Variants in KCNH5 observed in about 807,000 individuals in gnomAD.
The protein encoded by KCNH5 is voltage-gated delayed rectifier potassium channel KCNH5.
Under a neutral mutation model 96.1 loss-of-function variants are expected in KCNH5, and 46 were observed. That is an observed-to-expected ratio of 0.48 (90% CI 0.38 to 0.61). KCNH5 has a LOEUF of 0.61. KCNH5 is among the 20% of genes least tolerant of loss of function. KCNH5 has a pLI of 0.00. For synonymous variants in KCNH5, 439 were observed against 449.8 expected, an observed-to-expected ratio of 0.98 and a Z score of 0.30; for missense variants, 907 against 1,225.8, an observed-to-expected ratio of 0.74 and a Z score of 3.88.
Position 62,980,867 on chromosome 14 carries a change from C to T in KCNH5, c.942+5G>A, listed in dbSNP as rs1265529041. On this transcript the variant is annotated splice_donor_5th_base_variant and intron_variant, in intron 6 of 10. Coordinates refer to ENST00000322893, the MANE Select transcript of KCNH5 (RefSeq NM_139318.5). ...GTACTCAGAAAACCAAAACGAAAAA[C>T]TTACCTCATCCACATTTTCAAAGGC... The T allele has an allele frequency of 1.9e-6, 3 of 1,612,368 alleles. No homozygotes were observed. Among genetic ancestry groups the T allele is most frequent in the Non-Finnish European group, 2.5e-6 (3 of 1,179,688 alleles).
chr14:63,030,672 ATTG>A (rs1329331372), intron 1 of KCNH5, among the ~76,000 whole-genome samples: 2 of 152,262 alleles, frequency 1.3e-5, no homozygotes, highest in South Asian at 4.1e-4. Flanking sequence ...ATCAATACTT[ATTG>A]TTAAGTCTTT....
At chr14:62,945,012 A>G (rs1889859646) in intron 7 of KCNH5, among the ~76,000 whole-genome samples, 1 of 152,186 alleles carries the variant, frequency 6.6e-6, no homozygotes, top group South Asian at 2.1e-4. Context: ...CAAAACAGGA[A>G]CTTCAGAAAA....
At chr14:62,814,676 G>A (rs567706832) in intron 8 of KCNH5, among the ~76,000 whole-genome samples, 17 of 149,500 alleles carry the variant, frequency 1.1e-4, no homozygotes, top group South Asian at 6.4e-4. Context: ...CTAGCTACCC[G>A]GGAGGCTGAA....
intron 9 of KCNH5, among the ~76,000 whole-genome samples, chr14:62,796,569 A>G (rs1033562512): frequency 3.3e-5 from 5 of 152,168 alleles, no homozygotes; most frequent in African/African-American, 4.8e-5. Context: ...CTATGATTCT[A>G]TGATAGATTT....
intron 7 of KCNH5, among the ~76,000 whole-genome samples, chr14:62,876,523 A>T (rs886314942): frequency 6.6e-6 from 1 of 152,228 alleles, no homozygotes; most frequent in Non-Finnish European, 1.5e-5. Flanking sequence ...CAAAAAGAAC[A>T]AACAAAAATC....
At chr14:62,798,781 G>A (rs1370468396) in intron 9 of KCNH5, among the ~76,000 whole-genome samples, 1 of 152,094 alleles carries the variant, frequency 6.6e-6, no homozygotes, top group Non-Finnish European at 1.5e-5. Flanking sequence ...TAGCACTTTT[G>A]ACACACTAAA....
chr14:63,018,466 A>G (rs995326457), intron 1 of KCNH5, among the ~76,000 whole-genome samples: 1 of 152,008 alleles, frequency 6.6e-6, no homozygotes, highest in Non-Finnish European at 1.5e-5. Flanking sequence ...GGCTAAAGAG[A>G]TGGATAGAAA....
At chr14:62,973,869 C>T (rs1282853063) in intron 6 of KCNH5, among the ~76,000 whole-genome samples, 1 of 152,050 alleles carries the variant, frequency 6.6e-6, no homozygotes, top group Non-Finnish European at 1.5e-5. Flanking sequence ...TGTAGAAGGT[C>T]TGAGATGGCA....
chr14:62,890,766 T>C (rs968573271), intron 7 of KCNH5, among the ~76,000 whole-genome samples: 1 of 149,968 alleles, frequency 6.7e-6, no homozygotes, highest in Non-Finnish European at 1.5e-5. Context: ...AAGAGATACA[T>C]GCAGCCAACA....
chr14:62,902,151 A>G (rs540408589), intron 7 of KCNH5, among the ~76,000 whole-genome samples: 1 of 152,134 alleles, frequency 6.6e-6, no homozygotes, highest in East Asian at 1.9e-4. Context: ...ATTTTCTCCC[A>G]TTATGTAGGC....
intron 7 of KCNH5, among the ~76,000 whole-genome samples, chr14:62,933,384 A>G (rs1889616400): frequency 6.6e-6 from 1 of 152,184 alleles, no homozygotes; most frequent in South Asian, 2.1e-4. Context: ...TATTGATTAT[A>G]TCAAAATTAT....
chr14:62,983,033 T>C lies in KCNH5; in HGVS notation c.550-1769A>G, dbSNP rs112389312. On this transcript the variant is annotated intron_variant, in intron 5 of 10. Transcript: ENST00000322893. Reference sequence around the variant, plus strand: ...AATTTCATTGTGTTAAACATGAAAATTGCCTTCATATTCAATGTTAGTAGT... The same window carrying C: ...AATTTCATTGTGTTAAACATGAAAACTGCCTTCATATTCAATGTTAGTAGT... Among the ~76,000 whole-genome samples the C allele has an allele frequency of 5.8e-3, 890 of 152,274 alleles. 13 individuals carry two copies. The highest frequency in any genetic ancestry group is 0.018 in the African/African-American group (755 of 41,544).
rs1459622329 is a variant in KCNH5 at position 62,897,121 on chromosome 14, C to T, written c.1370-47269G>A. Among the ~76,000 whole-genome samples the T allele has an allele frequency of 5.3e-5, 8 of 152,244 alleles. No homozygotes were observed. In the East Asian group the frequency reaches 1.5e-3, roughly 29 times the overall value. ...CACTAAATTGTGTTATGGTGGGAGT[C>T]CCCTCCTCCCCATTAATAGCCAGTG... On this transcript the variant is annotated intron_variant, in intron 7 of 10. Coordinates refer to ENST00000322893, the MANE Select transcript of KCNH5 (RefSeq NM_139318.5).
chr14:63,040,747 G>T (rs1477686142), intron 1 of KCNH5, among the ~76,000 whole-genome samples: 2 of 151,750 alleles, frequency 1.3e-5, no homozygotes, highest in Admixed American at 6.6e-5. Flanking sequence ...TTTCTTTTAA[G>T]ACCTCAGTTT....
intron 10 of KCNH5, among the ~76,000 whole-genome samples, chr14:62,725,264 G>A (rs1341496577): frequency 6.6e-6 from 1 of 152,090 alleles, no homozygotes; most frequent in African/African-American, 2.4e-5. Context: ...GAAAGAACAT[G>A]TCTTTATACA....
intron 6 of KCNH5, among the ~76,000 whole-genome samples, chr14:62,956,144 T>C (rs1890099750): frequency 6.6e-6 from 1 of 152,204 alleles, no homozygotes; most frequent in Non-Finnish European, 1.5e-5. Context: ...CATCTCTGTC[T>C]ATGCTGCCAG....
In KCNH5 at chr14:62,909,032, A is replaced by ATTTTTTTTTTTTTTT. The variant is rs58920666; in HGVS notation, c.1369+41086_1369+41100dup. On this transcript the variant is annotated intron_variant, in intron 7 of 10. Transcript: ENST00000322893. The stretch of plus-strand genomic sequence containing the variant: ...AAACATAGAAAACACTATGCTACGT[A>ATTTTTTTTTTTTTTT]TTTTTTTTTTTTTTTTTTTTTTTTT... Among the ~76,000 whole-genome samples the ATTTTTTTTTTTTTTT allele has an allele frequency of 3.5e-5, 2 of 57,894 alleles. 1 individual carries two copies. The highest frequency in any genetic ancestry group is 5.9e-5 in the Non-Finnish European group (2 of 34,098). The allele number at this position is 57,894 out of a possible 152,430, so 38.0% of individuals were successfully genotyped here. A position where few individuals can be genotyped will look rare whatever the true frequency, so the allele number is the denominator to read the frequency against.
At chr14:62,826,199 A>T (rs10135325) in intron 8 of KCNH5, among the ~76,000 whole-genome samples, 16,453 of 151,824 alleles carry the variant, frequency 0.11, 1,111 homozygotes, top group East Asian at 0.29. Context: ...TTTCATCTAT[A>T]TTTTCTATTT....
intron 10 of KCNH5, among the ~76,000 whole-genome samples, chr14:62,713,511 C>T (rs1228030446): frequency 6.6e-6 from 1 of 152,144 alleles, no homozygotes; most frequent in Non-Finnish European, 1.5e-5. Context: ...AGCTCATTTT[C>T]TAGCTTATGA....
Sources: allele counts gnomAD v4.1 joint callset (sites outside exome capture counted in the v4.1 genomes callset), GRCh38; gene constraint gnomAD v4.1.1; transcripts MANE v1.5; gene names NCBI Gene and HGNC (gene_info 2026-07-23, HGNC 2026-07-21).